The following AK8 variants were observed in gnomAD, a reference collection of about 807,000 sequenced individuals.
The protein encoded by AK8 is ATP-AMP transphosphorylase 8.
Under a neutral mutation model 54.6 loss-of-function variants are expected in AK8, and 44 were observed. The observed-to-expected ratio is 0.81, with a 90% confidence interval of 0.63 to 1.04. The LOEUF (loss-of-function observed/expected upper bound fraction) is 1.04. AK8 is among the 50% of genes least tolerant of loss of function. The probability of loss-of-function intolerance (pLI) is 0.00; values close to 1 mark genes in which losing one functional copy is unlikely to be tolerated. For synonymous variants in AK8, 239 were observed against 245.6 expected (o/e 0.97, Z 0.25); for missense variants, 555 against 613.6 (o/e 0.90, Z 1.01).
intron 1 of AK8, among the ~76,000 whole-genome samples, chr9:132,876,484 TC>T (rs1397610504): frequency 6.6e-6 from 1 of 152,164 alleles, no homozygotes; most frequent in Admixed American, 6.5e-5. Context: ...GTTATGCAAA[TC>T]TGTACATGTG....
Position 132,796,704 on chromosome 9 carries a change from A to G in AK8, c.980-3929T>C, listed in dbSNP as rs182233782. ...AAAAGCAGGTAAATAAACGGCTTGTATACATGGTCTAATTTAAACATATAT... is the reference window on the plus strand; with the variant it reads ...AAAAGCAGGTAAATAAACGGCTTGTGTACATGGTCTAATTTAAACATATAT... On this transcript the variant is annotated intron_variant, in intron 10 of 12. Transcript: ENST00000298545. Among the ~76,000 whole-genome samples the G allele has an allele frequency of 4.3e-3, 655 of 152,200 alleles. 6 individuals carry two copies. Among genetic ancestry groups the G allele is most frequent in the African/African-American group, 0.015 (602 of 41,506 alleles).
At chr9:132,822,325 A>G (rs923088196) in intron 9 of AK8, among the ~76,000 whole-genome samples, 2 of 149,390 alleles carry the variant, frequency 1.3e-5, no homozygotes, top group South Asian at 2.1e-4. Context: ...GTGTATGTAT[A>G]TACAAATATA....
At chr9:132,834,030 CG>C (rs1268734400) in intron 5 of AK8, among the ~76,000 whole-genome samples, 1 of 152,236 alleles carries the variant, frequency 6.6e-6, no homozygotes, top group Non-Finnish European at 1.5e-5. Flanking sequence ...CAGACTCCAC[CG>C]GAGGCATTCC....
chr9:132,750,143 C>T (rs1381574360), intron 11 of AK8, among the ~76,000 whole-genome samples: 2 of 151,898 alleles, frequency 1.3e-5, no homozygotes, highest in East Asian at 3.8e-4. Context: ...TTCACCTCTT[C>T]TCATGGGCTC....
chr9:132,793,954 C>T (rs1003944987), intron 10 of AK8, among the ~76,000 whole-genome samples: 1 of 152,162 alleles, frequency 6.6e-6, no homozygotes, highest in Non-Finnish European at 1.5e-5. Context: ...CTGAAGCACA[C>T]ATTTGAAACC....
chr9:132,793,252 G>A (rs1315225403), intron 10 of AK8, among the ~76,000 whole-genome samples: 9 of 152,118 alleles, frequency 5.9e-5, no homozygotes, highest in Non-Finnish European at 1.0e-4. Context: ...CCCTTATACG[G>A]GCACTAATCC....
rs1191480982 is a variant in AK8, at chr9:132,770,948, C to T, written c.1121+21686G>A. On this transcript the variant is annotated intron_variant, in intron 11 of 12. Coordinates refer to ENST00000298545, the MANE Select transcript of AK8 (RefSeq NM_152572.3). This position sits in a 1 kb window ranked among gnomAD's most constrained non-coding sequence, Gnocchi z 4.3. ...GGGAGCAGCTGGTGGCCTCGGCAAACGCAGCACAGGAGATGGGAGGGTCTG... is the reference window on the plus strand; with the variant it reads ...GGGAGCAGCTGGTGGCCTCGGCAAATGCAGCACAGGAGATGGGAGGGTCTG... Among the ~76,000 whole-genome samples, 3 of 152,260 alleles carry T rather than the reference C, an allele frequency of 2.0e-5. No individual in the cohort carries two copies. Among genetic ancestry groups the T allele is most frequent in the Admixed American group, 2.0e-4 (3 of 15,306 alleles).
At chr9:132,877,476 G>A (rs951615170) in intron 1 of AK8, among the ~76,000 whole-genome samples, 6 of 152,178 alleles carry the variant, frequency 3.9e-5, no homozygotes, top group African/African-American at 9.7e-5. Flanking sequence ...CAGAACCTTT[G>A]AGTGGCTGAG....
rs549539694 is a variant in AK8, at chr9:132,872,965, C to T, written c.169+2150G>A. 3.3e-5 allele frequency among the ~76,000 whole-genome samples: 5 copies of T among 152,362 alleles called. No homozygotes were observed. The East Asian group carries it at 9.6e-4, about 29-fold the overall frequency. ...TAGCTGGGACTACAGGCGCCCGCCA[C>T]CACGCCCAGCTAATTTTTTTTTTAT... On this transcript the variant is annotated intron_variant, in intron 2 of 12. Transcript: ENST00000298545.
At chr9:132,871,844 C>T (rs1225545998) in intron 2 of AK8, among the ~76,000 whole-genome samples, 1 of 152,230 alleles carries the variant, frequency 6.6e-6, no homozygotes, top group African/African-American at 2.4e-5. Flanking sequence ...ATCAACTGCA[C>T]TCCATCCAAA....
chr9:132,747,682 C>T (rs1423146267), intron 11 of AK8, among the ~76,000 whole-genome samples: 2 of 145,674 alleles, frequency 1.4e-5, no homozygotes, highest in Non-Finnish European at 3.0e-5. Flanking sequence ...CTGTCTGCCT[C>T]GGCCTCCCAA....
chr9:132,878,510 T>C, upstream of AK8: 1 of 1,196,884 alleles, frequency 8.4e-7, no homozygotes, highest in South Asian at 4.3e-5. The surrounding 1 kb of genome is among the most constrained non-coding windows in gnomAD (Gnocchi z 4.7). Context: ...TCAGGTGGCT[T>C]CCAGCTGGGC....
chr9:132,746,089 A>G (rs1345528974), intron 11 of AK8, among the ~76,000 whole-genome samples: 2 of 152,110 alleles, frequency 1.3e-5, no homozygotes, highest in African/African-American at 4.8e-5. Flanking sequence ...CAGCAATCCT[A>G]GTGCACTCTG....
intron 11 of AK8, among the ~76,000 whole-genome samples, chr9:132,747,233 T>C (rs1434494123): frequency 2.7e-5 from 4 of 147,868 alleles, no homozygotes; most frequent in Admixed American, 2.0e-4. Flanking sequence ...CTCCATCTCC[T>C]GGGTTCAAGC....
chr9:132,828,381 C>T (rs1016083397), intron 6 of AK8, among the ~76,000 whole-genome samples: 1 of 152,226 alleles, frequency 6.6e-6, no homozygotes, highest in East Asian at 1.9e-4. Flanking sequence ...AATGCTTGCA[C>T]AGCATTCTAT....
At chr9:132,780,742 T>C (rs1321931721) in intron 11 of AK8, among the ~76,000 whole-genome samples, 1 of 152,140 alleles carries the variant, frequency 6.6e-6, no homozygotes, top group African/African-American at 2.4e-5. Flanking sequence ...AGTCCTAAAA[T>C]GCAGTCCAAT....
At chr9:132,787,675 G>A (rs1283947739) in intron 11 of AK8, among the ~76,000 whole-genome samples, 2 of 152,046 alleles carry the variant, frequency 1.3e-5, no homozygotes, top group African/African-American at 2.4e-5. Context: ...ATAAAATATC[G>A]AATATGGGAG....
chr9:132,748,136 G>C (rs932587933), intron 11 of AK8, among the ~76,000 whole-genome samples: 9 of 151,744 alleles, frequency 5.9e-5, no homozygotes, highest in African/African-American at 2.2e-4. Flanking sequence ...AAAATCACAA[G>C]AACAGGTTTA....
chr9:132,769,819 A>T (rs1258058773), intron 11 of AK8: 2 of 152,092 alleles, frequency 1.3e-5, no homozygotes, highest in Non-Finnish European at 2.9e-5. Flanking sequence ...CAGAAAGAGA[A>T]TCCTGCCATC....
Sources: allele counts gnomAD v4.1 joint callset (sites outside exome capture counted in the v4.1 genomes callset), GRCh38; gene constraint gnomAD v4.1.1; non-coding constraint Gnocchi (gnomAD v3.1); transcripts MANE v1.5; gene names NCBI Gene and HGNC (gene_info 2026-07-23, HGNC 2026-07-21).